Variants in LRPAP1 observed in about 807,000 individuals in gnomAD.
LRPAP1 encodes alpha-2-macroglobulin receptor-associated protein.
In LRPAP1, 41 loss-of-function variants were observed where a neutral mutation model predicts 39.9. The ratio of observed to expected loss-of-function variants is 1.03; its 90% CI spans 0.80 to 1.33. The LOEUF (loss-of-function observed/expected upper bound fraction) is 1.33, where lower values mean the gene tolerates loss of function less well. Among genes scored for constraint, LRPAP1 ranks in the 40% most tolerant of loss-of-function variants. The probability of loss-of-function intolerance (pLI) is 0.00; values close to 1 mark genes in which losing one functional copy is unlikely to be tolerated. For synonymous variants in LRPAP1, 263 were observed against 212.7 expected (o/e 1.24, Z -2.06); for missense variants, 565 against 482.3 (o/e 1.17, Z -1.61).
intron 3 of LRPAP1, 50 bp downstream of exon 3, chr4:3,520,022 T>C (rs375863322): frequency 5.6e-6 from 9 of 1,594,730 alleles, no homozygotes; most frequent in African/African-American, 4.1e-5. Flanking sequence ...GCCTTAACAC[T>C]CAACGTAACG....
chr4:3,521,766 G>A (rs1729916811), intron 2 of LRPAP1, among the ~76,000 whole-genome samples: 1 of 152,350 alleles, frequency 6.6e-6, no homozygotes, highest in South Asian at 2.1e-4. Context: ...CGCTGGGCAC[G>A]GGTCCCGTAG....
At chr4:3,524,596 G>A (rs1484188778) in intron 2 of LRPAP1, among the ~76,000 whole-genome samples, 1 of 152,224 alleles carries the variant, frequency 6.6e-6, no homozygotes, top group African/African-American at 2.4e-5. Context: ...TGGGCCCCTT[G>A]GCCAAAAGCC....
At chr4:3,531,637 A>C (rs1730258670) in intron 1 of LRPAP1, among the ~76,000 whole-genome samples, 1 of 152,126 alleles carries the variant, frequency 6.6e-6, no homozygotes, top group South Asian at 2.1e-4. Flanking sequence ...CTCATCTCTC[A>C]AATGAAGGAG....
Position 3,511,733 on chromosome 4 carries a change from C to T in LRPAP1, c.*1241G>A, listed in dbSNP as rs1257616793. 6.6e-6 allele frequency: 1 copy of T among 152,280 alleles called. No individual in the cohort carries two copies. Among genetic ancestry groups the T allele is most frequent in the Non-Finnish European group, 1.5e-5 (1 of 68,138 alleles). 9.4% of individuals were successfully genotyped at this position (152,280 alleles called of 1,614,324 possible). A position where few individuals can be genotyped will look rare whatever the true frequency, so the allele number is the denominator to read the frequency against. ...TCCAGGTTCAAACACGGGAACCACGCTCGGAGCTGGACCCGGACCCGAGCC... is the reference window on the plus strand; with the variant it reads ...TCCAGGTTCAAACACGGGAACCACGTTCGGAGCTGGACCCGGACCCGAGCC... On this transcript the variant is annotated 3_prime_UTR_variant, in exon 8 of 8. Transcript: ENST00000650182.
intron 3 of LRPAP1, among the ~76,000 whole-genome samples, chr4:3,519,286 G>A (rs1729834361): frequency 6.6e-6 from 1 of 152,350 alleles, no homozygotes; most frequent in African/African-American, 2.4e-5. Context: ...GGTGACCCCG[G>A]GCTTGCCTGG....
intron 1 of LRPAP1, among the ~76,000 whole-genome samples, chr4:3,529,715 G>A (rs946785838): frequency 2.0e-5 from 3 of 152,146 alleles, no homozygotes; most frequent in South Asian, 2.1e-4. Flanking sequence ...TGATGAAAGC[G>A]GGTCTCAGCA....
chr4:3,522,562 G>A (rs79598379), intron 2 of LRPAP1, among the ~76,000 whole-genome samples: 53,940 of 91,556 alleles, frequency 0.59, 17,487 homozygotes, highest in East Asian at 0.85. Context: ...GAGGACAGAC[G>A]CCACCCCACA....
At position 3,512,754 on chromosome 4, in the gene LRPAP1, TTCAG is replaced by T. The variant is rs1188400933; in HGVS notation, c.*216_*219del. On this transcript the variant is annotated 3_prime_UTR_variant, in exon 8 of 8. Transcript: ENST00000650182. ...TGATGCTGAGTGGAAGCCAAGCCCC[TTCAG>T]TCAGAGCTGGGCCGATCTCAGACCC... 2 of 555,636 alleles carry T rather than the reference TTCAG, an allele frequency of 3.6e-6. No homozygotes were observed. The highest frequency in any genetic ancestry group is 3.8e-5 in the African/African-American group (2 of 52,996). 34.4% of individuals were successfully genotyped at this position (555,636 alleles called of 1,614,324 possible). A position where few individuals can be genotyped will look rare whatever the true frequency, so the allele number is the denominator to read the frequency against.
intron 2 of LRPAP1, among the ~76,000 whole-genome samples, chr4:3,522,584 G>A (rs1328475285): frequency 2.0e-5 from 1 of 49,724 alleles, no homozygotes; most frequent in Admixed American, 3.0e-4. Context: ...TCCCTGCCTG[G>A]GGAAGTCGGA....
chr4:3,521,159 C>T lies in LRPAP1; in HGVS notation c.350-966G>A, dbSNP rs1730772. 1.1e-4 allele frequency among the ~76,000 whole-genome samples: 17 copies of T among 152,320 alleles called. No homozygotes were observed. The South Asian group carries it at 2.7e-3, about 24-fold the overall frequency. On this transcript the variant is annotated intron_variant, in intron 2 of 7. Coordinates refer to ENST00000650182, the MANE Select transcript of LRPAP1 (RefSeq NM_002337.4). The stretch of plus-strand genomic sequence containing the variant: ...CAACCACACCCGCCTCCTTAGCGGG[C>T]GGTGGGCTTGCCTGCCCGCCCTTTC...
At chr4:3,525,259 G>A (rs535901472) in intron 1 of LRPAP1, 5 of 573,116 alleles carry the variant, frequency 8.7e-6, no homozygotes, top group South Asian at 4.1e-5. Context: ...CTGTATACAC[G>A]ATCCGGAAAC....
intron 4 of LRPAP1, among the ~76,000 whole-genome samples, chr4:3,518,478 C>G (rs1051736853): frequency 6.6e-6 from 1 of 152,228 alleles, no homozygotes; most frequent in Non-Finnish European, 1.5e-5. Context: ...TGCCCTGCCC[C>G]CTCTCTGCTG....
chr4:3,518,111 TTCAGC>T lies in LRPAP1; in HGVS notation c.669_673del (p.Leu224GlyfsTer24). On this transcript the variant is annotated frameshift_variant, in exon 5 of 8. Transcript: ENST00000650182. LOFTEE classifies it high-confidence loss of function. ...CTGGTTGATGCTGCGCAGCTTCTCC[TTCAGC>T]TCCGTGTGCCTGCTGTGCAGGACGC... is the stretch of plus-strand genomic sequence containing the variant. The T allele has an allele frequency of 6.2e-7, 1 of 1,613,578 alleles. No individual in the cohort carries two copies. The highest frequency in any genetic ancestry group is 1.1e-5 in the South Asian group (1 of 91,064).
intron 1 of LRPAP1, 103 bp from the exon 2 acceptor site, chr4:3,525,154 A>T: frequency 7.3e-7 from 1 of 1,363,254 alleles, no homozygotes; most frequent in Non-Finnish European, 1.0e-6. Context: ...GTTCTGGGAG[A>T]CCAGGAAGAG....
In LRPAP1 at chr4:3,520,110, C is replaced by A. The variant is rs138080464; in HGVS notation, c.433G>T (p.Gly145Trp). 1 of 1,614,186 alleles carries A rather than the reference C, an allele frequency of 6.2e-7. No homozygotes were observed. Among genetic ancestry groups the A allele is most frequent in the South Asian group, 1.1e-5 (1 of 91,084 alleles). ...SNSLSGTQED[G>W]LDDPRLEKLW... ...TTTTCCAGCCTGGGGTCATCCAGCC[C>A]GTCTTCCTGGGTGCCACTGAGGGAG... Residue 145 changes from glycine (G) to tryptophan (W), a missense_variant, in exon 3 of 8, where the codon GGG becomes TGG. Physicochemically the swap from Gly to Trp is radical, Grantham distance 184. Transcript: ENST00000650182.
intron 6 of LRPAP1, chr4:3,515,852 C>G: frequency 1.9e-6 from 1 of 521,868 alleles, no homozygotes; most frequent in South Asian, 2.1e-5. Context: ...ATCCACAGGA[C>G]CCGCACCAAG....
chr4:3,506,121 G>T lies in LRPAP1; in HGVS notation c.*6853C>A, dbSNP rs1011101253. On this transcript the variant is annotated 3_prime_UTR_variant, in exon 8 of 8. Transcript: ENST00000650182. ...TCTGTTATCCATGCTGGAGAGCAAT[G>T]GCACGATTTTGGCTCACTGCAAACT... 6.6e-5 allele frequency among the ~76,000 whole-genome samples: 10 copies of T among 151,902 alleles called. No individual in the cohort carries two copies. Among genetic ancestry groups the T allele is most frequent in the Non-Finnish European group, 1.3e-4 (9 of 67,984 alleles).
In LRPAP1 at chr4:3,509,090, G is replaced by A. The variant is rs564879914; in HGVS notation, c.*3884C>T. The A allele has an allele frequency of 1.3e-4, 20 of 152,366 alleles. No individual in the cohort carries two copies. Among genetic ancestry groups the A allele is most frequent in the African/African-American group, 4.3e-4 (18 of 41,580 alleles). 9.4% of individuals were successfully genotyped at this position (152,366 alleles called of 1,614,324 possible). The stretch of plus-strand genomic sequence containing the variant: ...AATACACAGTCCTCAATAGCATATC[G>A]AACACCTAGGACTAGATCTAAAGGA... On this transcript the variant is annotated 3_prime_UTR_variant, in exon 8 of 8. Transcript: ENST00000650182.
Position 3,511,018 on chromosome 4 carries a change from C to G in LRPAP1, c.*1956G>C, listed in dbSNP as rs1332358160. 6.6e-6 allele frequency: 1 copy of G among 152,220 alleles called. No individual in the cohort carries two copies. The highest frequency in any genetic ancestry group is 2.1e-4 in the South Asian group (1 of 4,824). 9.4% of individuals were successfully genotyped at this position (152,220 alleles called of 1,614,324 possible). ...ATGGTCTCCCACATACAAAAGAGGC[C>G]ATTATACAGTAAGACACGCTACTCC... On this transcript the variant is annotated 3_prime_UTR_variant, in exon 8 of 8. Transcript: ENST00000650182.
Sources: allele counts gnomAD v4.1 joint callset (sites outside exome capture counted in the v4.1 genomes callset), GRCh38; gene constraint gnomAD v4.1.1; transcripts MANE v1.5; gene names NCBI Gene and HGNC (gene_info 2026-07-23, HGNC 2026-07-21).